F13B: variants seen among roughly 807,000 people sequenced by gnomAD.
F13B encodes the protein coagulation factor XIII B chain, also known as TGase.
Under a neutral mutation model 79.8 loss-of-function variants are expected in F13B, and 58 were observed. The observed-to-expected ratio is 0.73, with a 90% CI of 0.59 to 0.90. F13B has a LOEUF of 0.90. Ranked by LOEUF, F13B falls within the 40% of genes least tolerant of loss-of-function variation. The pLI, the probability that F13B is intolerant of heterozygous loss-of-function variation, is 0.00. For missense variants in F13B, 773 were observed against 777.0 expected (o/e 0.99, Z 0.06); for synonymous variants, 283 against 260.3 (o/e 1.09, Z -0.84).
chr1:197,065,176 G>A (rs575018677), intron 1 of F13B, among the ~76,000 whole-genome samples: 49 of 152,154 alleles, frequency 3.2e-4, no homozygotes, highest in South Asian at 8.3e-4. Context: ...TTCCCTGAGG[G>A]GCACAGTTGC....
intron 10 of F13B, among the ~76,000 whole-genome samples, chr1:197,044,509 A>T (rs1476654544): frequency 1.3e-5 from 2 of 152,166 alleles, no homozygotes; most frequent in African/African-American, 4.8e-5. Flanking sequence ...TTAATAAAGC[A>T]AGTCCTTAGA....
intron 11 of F13B, among the ~76,000 whole-genome samples, chr1:197,039,992 T>C (rs776075313): frequency 1.3e-5 from 2 of 152,090 alleles, no homozygotes; most frequent in Non-Finnish European, 2.9e-5. Context: ...CATTTTATTA[T>C]ACTTTTTTAA....
intron 4 of F13B, 30 bp downstream of exon 4, chr1:197,060,869 G>A: frequency 1.3e-6 from 2 of 1,593,460 alleles, no homozygotes; most frequent in Non-Finnish European, 1.7e-6. Flanking sequence ...TTCAGAGTGA[G>A]AGTAGATTTT....
intron 10 of F13B, among the ~76,000 whole-genome samples, chr1:197,041,126 A>T (rs17549832): frequency 0.011 from 1,697 of 152,274 alleles, 28 homozygotes; most frequent in African/African-American, 0.037. Flanking sequence ...CAGAAAGTTC[A>T]AATAAAATTC....
rs1655019469 is a variant in F13B, at chr1:197,041,031, GCAAA to G, written c.1739-300_1739-297del. ...TATGTCATTAGCTTTTTCAAAGATA[GCAAA>G]CAAACAAAAAGGTATTTGGGGGGAA... On this transcript the variant is annotated intron_variant, in intron 10 of 11. Transcript: ENST00000367412. Among the ~76,000 whole-genome samples, 11 of 152,058 alleles carry G rather than the reference GCAAA, an allele frequency of 7.2e-5. No individual in the cohort carries two copies. The South Asian group carries it at 2.1e-3, about 29-fold the overall frequency.
chr1:197,039,530 G>A, intron 11 of F13B, 119 bp from the exon 12 acceptor site: 1 of 746,578 alleles, frequency 1.3e-6, no homozygotes, highest in South Asian at 1.8e-5. Context: ...GTACTAATAA[G>A]AATAAATGAT....
At chr1:197,057,495 G>A in intron 5 of F13B, 30 bp from the exon 6 acceptor site, 4 of 1,601,310 alleles carry the variant, frequency 2.5e-6, no homozygotes, top group Non-Finnish European at 3.4e-6. Flanking sequence ...AGCACCTTTA[G>A]TCATATAATT....
intron 7 of F13B, 34 bp downstream of exon 7, chr1:197,056,979 G>T: frequency 6.2e-7 from 1 of 1,607,914 alleles, no homozygotes; most frequent in East Asian, 2.2e-5. Context: ...TACACCATAA[G>T]TTTAGCTACT....
Position 197,052,734 on chromosome 1 carries a change from T to A in F13B, c.1455A>T (p.Val485=), listed in dbSNP as rs1175869661. The change falls in exon 9 of 12, where the codon GTA becomes GTT. Residue 485 remains valine (V), a synonymous_variant. Transcript: ENST00000367412. ...KVLHGDLIDF[V]CKQGYDLSPL... ...GAGATAAGTCATATCCCTGTTTACA[T>A]ACAAAATCTATTAAATCTCCATGTA... is the stretch of plus-strand genomic sequence containing the variant. The A allele has an allele frequency of 3.6e-5, 58 of 1,611,444 alleles. No individual in the cohort carries two copies. The highest frequency in any genetic ancestry group is 4.9e-5 in the Non-Finnish European group (58 of 1,178,468).
intron 10 of F13B, among the ~76,000 whole-genome samples, chr1:197,048,871 G>C (rs1558305671): frequency 6.6e-6 from 1 of 152,020 alleles, no homozygotes; most frequent in Non-Finnish European, 1.5e-5. Context: ...ATACATGCTT[G>C]TTATAAAGCA....
intron 10 of F13B, among the ~76,000 whole-genome samples, chr1:197,042,928 C>G (rs947770943): frequency 6.6e-6 from 1 of 151,122 alleles, no homozygotes; most frequent in South Asian, 2.1e-4. Context: ...GGCATACAGC[C>G]AGCAGAACTT....
In F13B at chr1:197,061,986, T is replaced by C; in HGVS notation, c.266-17A>G. On this transcript the variant is annotated splice_polypyrimidine_tract_variant and intron_variant, in intron 2 of 11. Coordinates refer to ENST00000367412, the MANE Select transcript of F13B (RefSeq NM_001994.3). ...TGCATTTTTCTATGGGAAAAAAAAT[T>C]ATTTAACTTAATGATGAAACTAAGC... 1 of 1,595,654 alleles carries C rather than the reference T, an allele frequency of 6.3e-7. No individual in the cohort carries two copies. The highest frequency in any genetic ancestry group is 8.6e-7 in the Non-Finnish European group (1 of 1,165,600).
chr1:197,057,213 T>C lies in F13B; in HGVS notation c.986-15A>G, dbSNP rs1655677842. 1 of 1,613,790 alleles carries C rather than the reference T, an allele frequency of 6.2e-7. No homozygotes were observed. Among genetic ancestry groups the C allele is most frequent in the African/African-American group, 1.3e-5 (1 of 74,920 alleles). ...CTCCTGTCCTTCTGAAAAGGTACAG[T>C]TGAAAGAGAACTGACCATTTAGCTA... On this transcript the variant is annotated splice_polypyrimidine_tract_variant and intron_variant, in intron 6 of 11. Coordinates refer to ENST00000367412, the MANE Select transcript of F13B (RefSeq NM_001994.3).
At chr1:197,056,398 CAT>C (rs748953849) in intron 7 of F13B, among the ~76,000 whole-genome samples, 39 of 151,990 alleles carry the variant, frequency 2.6e-4, no homozygotes, top group Non-Finnish European at 4.6e-4. Flanking sequence ...CCTAGATAAA[CAT>C]GTGTGTGGAG....
At chr1:197,066,276 T>A (rs1656046568) in intron 1 of F13B, among the ~76,000 whole-genome samples, 1 of 152,144 alleles carries the variant, frequency 6.6e-6, no homozygotes, top group Non-Finnish European at 1.5e-5. Flanking sequence ...TAAAACACAG[T>A]TAAAACTTAT....
intron 7 of F13B, 67 bp from the exon 8 acceptor site, chr1:197,055,964 T>C: frequency 8.0e-7 from 1 of 1,257,372 alleles, no homozygotes; most frequent in Non-Finnish European, 1.2e-6. Flanking sequence ...ACTCATACTA[T>C]AGTGTCTCGA....
chr1:197,052,675 C>T lies in F13B; in HGVS notation c.1514G>A (p.Cys505Tyr), dbSNP rs1460734344. ...AGGATATTTCACTTCTCCTCTGTTG[C>T]ACTGCACAGATAATTCAGACAATGG... ...LTPLSELSVQ[C>Y]NRGEVKYPLC... The change falls in exon 9 of 12, where the codon TGC (cysteine) becomes TAC (tyrosine). Residue 505 changes from cysteine to tyrosine, a missense_variant. By Grantham distance (194) the Cys-to-Tyr change is radical. Transcript: ENST00000367412. 6.2e-7 allele frequency: 1 copy of T among 1,611,814 alleles called. No individual in the cohort carries two copies.
chr1:197,039,262 T>G lies in F13B; in HGVS notation c.*116A>C. ...AAATGTTCAGCACAAATAATTTAGATTCAAATATTTAAGCAAGGAAAAACT... is the reference window on the plus strand; with the variant it reads ...AAATGTTCAGCACAAATAATTTAGAGTCAAATATTTAAGCAAGGAAAAACT... On this transcript the variant is annotated 3_prime_UTR_variant, in exon 12 of 12. Coordinates refer to ENST00000367412, the MANE Select transcript of F13B (RefSeq NM_001994.3). The G allele has an allele frequency of 1.2e-6, 1 of 827,924 alleles. No individual in the cohort carries two copies. The highest frequency in any genetic ancestry group is 2.0e-6 in the Non-Finnish European group (1 of 496,670). 51.3% of individuals were successfully genotyped at this position (827,924 alleles called of 1,614,324 possible). A position where few individuals can be genotyped will look rare whatever the true frequency, so the allele number is the denominator to read the frequency against.
At chr1:197,055,148 A>G (rs1235164755) in intron 8 of F13B, among the ~76,000 whole-genome samples, 1 of 151,982 alleles carries the variant, frequency 6.6e-6, no homozygotes, top group Non-Finnish European at 1.5e-5. Flanking sequence ...CATTTTGTGG[A>G]GTGTGTGCTT....
Sources: allele counts gnomAD v4.1 joint callset (sites outside exome capture counted in the v4.1 genomes callset), GRCh38; gene constraint gnomAD v4.1.1; transcripts MANE v1.5; gene names NCBI Gene and HGNC (gene_info 2026-07-23, HGNC 2026-07-21).